The following SLC30A6 variants were observed in gnomAD, a reference collection of about 807,000 sequenced individuals.
SLC30A6 encodes the protein zinc transporter 6.
A neutral mutation model predicts 63.0 loss-of-function variants in SLC30A6; 55 were observed. The observed-to-expected ratio is 0.87, with a 90% CI of 0.70 to 1.09. The LOEUF (loss-of-function observed/expected upper bound fraction) is 1.09. Among genes scored for constraint, SLC30A6 ranks in the 50% least tolerant of loss-of-function variants. SLC30A6 has a pLI of 0.00. For synonymous variants in SLC30A6, 224 were observed against 186.1 expected (o/e 1.20, Z -1.66); for missense variants, 587 against 549.2 (o/e 1.07, Z -0.69).
Position 32,174,053 on chromosome 2 carries a change from A to G in SLC30A6, c.91-10A>G. On this transcript the variant is annotated splice_polypyrimidine_tract_variant and intron_variant, in intron 2 of 13. Coordinates refer to ENST00000282587, the MANE Select transcript of SLC30A6 (RefSeq NM_017964.5). ...TTCTGTACACATAAGAGTGATTTTT[A>G]TTTTCACAGTCCTGGAAGATACTGC... The G allele has an allele frequency of 6.2e-7, 1 of 1,608,888 alleles. No homozygotes were observed. Among genetic ancestry groups the G allele is most frequent in the Non-Finnish European group, 8.5e-7 (1 of 1,177,430 alleles).
At chr2:32,216,044 A>G (rs961867114) in intron 13 of SLC30A6, among the ~76,000 whole-genome samples, 4 of 152,136 alleles carry the variant, frequency 2.6e-5, no homozygotes, top group Non-Finnish European at 5.9e-5. Flanking sequence ...TCTTTTTGGT[A>G]GAAAGATTAT....
rs1686282878 is a variant in SLC30A6, at chr2:32,224,003, T to C, written c.*3290T>C. The stretch of plus-strand genomic sequence containing the variant: ...CTTGACTAAAGAATGCTGATCTTTT[T>C]TGGGAGTCTGATCTCCTTCTAATAT... On this transcript the variant is annotated 3_prime_UTR_variant, in exon 14 of 14. Transcript: ENST00000282587. 6.6e-6 allele frequency: 1 copy of C among 152,420 alleles called. No individual in the cohort carries two copies. Among genetic ancestry groups the C allele is most frequent in the South Asian group, 2.1e-4 (1 of 4,830 alleles). 9.4% of individuals were successfully genotyped at this position (152,420 alleles called of 1,614,324 possible). A position where few individuals can be genotyped will look rare whatever the true frequency, so the allele number is the denominator to read the frequency against.
chr2:32,194,337 T>C (rs1683591643), intron 8 of SLC30A6, among the ~76,000 whole-genome samples: 1 of 152,190 alleles, frequency 6.6e-6, no homozygotes, highest in Non-Finnish European at 1.5e-5. Flanking sequence ...GAATTCTTAG[T>C]TGATATGCTA....
At chr2:32,205,886 T>C (rs981364473) in intron 11 of SLC30A6, among the ~76,000 whole-genome samples, 15 of 151,854 alleles carry the variant, frequency 9.9e-5, no homozygotes, top group African/African-American at 3.6e-4. Context: ...CAGGATGGTC[T>C]CAAATTCCTG....
chr2:32,167,186 C>T (rs2148785439), intron 1 of SLC30A6, among the ~76,000 whole-genome samples: 1 of 152,264 alleles, frequency 6.6e-6, no homozygotes, highest in Admixed American at 6.5e-5. Flanking sequence ...AGCGATTCTC[C>T]TGCCTCACCT....
At chr2:32,166,742 T>C (rs1680695792) in intron 1 of SLC30A6, among the ~76,000 whole-genome samples, 1 of 152,254 alleles carries the variant, frequency 6.6e-6, no homozygotes, top group African/African-American at 2.4e-5. Context: ...TTTGTCACTG[T>C]ACTAAGTTTT....
At position 32,197,612 on chromosome 2, in the gene SLC30A6, A is replaced by T. The variant is rs1360930965; in HGVS notation, c.546-95A>T. The T allele has an allele frequency of 1.9e-6, 3 of 1,544,812 alleles. No individual in the cohort carries two copies. In the East Asian group the frequency reaches 6.7e-5, roughly 35 times the overall value. The stretch of plus-strand genomic sequence containing the variant: ...CTTTGCTTTCTTTAAGAAGTACACT[A>T]TGTGGTACCAAAATACAAGTTATCT... On this transcript the variant is annotated intron_variant, in intron 9 of 13. Coordinates refer to ENST00000282587, the MANE Select transcript of SLC30A6 (RefSeq NM_017964.5).
intron 5 of SLC30A6, among the ~76,000 whole-genome samples, chr2:32,189,653 T>C (rs995618452): frequency 7.6e-6 from 1 of 132,224 alleles, no homozygotes; most frequent in African/African-American, 2.9e-5. Flanking sequence ...CTGTAGCCCA[T>C]GTTGGAGTAC....
intron 13 of SLC30A6, among the ~76,000 whole-genome samples, chr2:32,217,532 C>T (rs1269968189): frequency 2.0e-5 from 3 of 152,100 alleles, no homozygotes; most frequent in Non-Finnish European, 2.9e-5. Flanking sequence ...CTTAGAATTT[C>T]TTTGGCTATT....
intron 5 of SLC30A6, among the ~76,000 whole-genome samples, chr2:32,188,619 G>A (rs530700246): frequency 2.2e-4 from 34 of 152,246 alleles, no homozygotes; most frequent in African/African-American, 7.7e-4. Flanking sequence ...ACTTGAGACC[G>A]GGAGGCGGAG....
intron 2 of SLC30A6, among the ~76,000 whole-genome samples, chr2:32,172,242 A>G (rs1438934164): frequency 6.6e-6 from 1 of 152,222 alleles, no homozygotes; most frequent in Non-Finnish European, 1.5e-5. Flanking sequence ...GCCAGCTTCA[A>G]TGAAACAATA....
In SLC30A6 at chr2:32,221,745, C is replaced by T. The variant is rs1686156291; in HGVS notation, c.*1032C>T. On this transcript the variant is annotated 3_prime_UTR_variant, in exon 14 of 14. Coordinates refer to ENST00000282587, the MANE Select transcript of SLC30A6 (RefSeq NM_017964.5). ...AATTTTAGTACATTTGTAAATAGTC[C>T]ATGGTTCTCAGTGTTTTATTTTGAT... 6.6e-6 allele frequency: 1 copy of T among 151,942 alleles called. No homozygotes were observed. The highest frequency in any genetic ancestry group is 1.5e-5 in the Non-Finnish European group (1 of 67,978). The allele number at this position is 151,942 out of a possible 1,614,324, so 9.4% of individuals were successfully genotyped here. A position where few individuals can be genotyped will look rare whatever the true frequency, so the allele number is the denominator to read the frequency against.
At chr2:32,202,553 A>C (rs923907010) in intron 10 of SLC30A6, 2 of 352,762 alleles carry the variant, frequency 5.7e-6, no homozygotes, top group Admixed American at 8.1e-5. Flanking sequence ...GGATGGTCTC[A>C]ATCTCCTGAC....
rs764733512 is a variant in SLC30A6, at chr2:32,171,341, C to T, written c.58C>T (p.Arg20Trp). ...PQRSFFGKLL[R>W]EFRLVAADRR... ...AAGATCCTTTTTTGGCAAGTTGTTA[C>T]GGGAATTTAGACTTGTAGCAGCTGA... The change falls in exon 2 of 14, where the codon CGG (arginine) becomes TGG (tryptophan). Residue 20 changes from arginine (R) to tryptophan (W), a missense_variant. Transcript: ENST00000282587. The T allele has an allele frequency of 1.8e-5, 29 of 1,613,558 alleles. No homozygotes were observed. The highest frequency in any genetic ancestry group is 2.7e-5 in the African/African-American group (2 of 74,868).
chr2:32,182,281 T>G (rs1682397330), intron 4 of SLC30A6, among the ~76,000 whole-genome samples: 1 of 152,194 alleles, frequency 6.6e-6, no homozygotes, highest in Non-Finnish European at 1.5e-5. Context: ...GCTGCCTTTA[T>G]CCGATGCAAT....
Position 32,223,724 on chromosome 2 carries a change from A to G in SLC30A6, c.*3011A>G, listed in dbSNP as rs141781870. ...TTGTGTTTTTTTCAGGCTTGCCTCT[A>G]CTTAAATATATTTAGATGAGAGAGT... On this transcript the variant is annotated 3_prime_UTR_variant, in exon 14 of 14. Coordinates refer to ENST00000282587, the MANE Select transcript of SLC30A6 (RefSeq NM_017964.5). 2.6e-5 allele frequency: 4 copies of G among 152,298 alleles called. No homozygotes were observed. The highest frequency in any genetic ancestry group is 7.2e-5 in the African/African-American group (3 of 41,576). 9.4% of individuals were successfully genotyped at this position (152,298 alleles called of 1,614,324 possible).
intron 8 of SLC30A6, among the ~76,000 whole-genome samples, chr2:32,196,187 C>A (rs573947770): frequency 1.3e-5 from 2 of 151,952 alleles, no homozygotes; most frequent in Non-Finnish European, 2.9e-5. Context: ...TGGTGGCAGG[C>A]GCCTGTGATC....
chr2:32,215,881 T>C (rs1685663024), intron 13 of SLC30A6, among the ~76,000 whole-genome samples: 2 of 151,458 alleles, frequency 1.3e-5, no homozygotes, highest in Non-Finnish European at 2.9e-5. Flanking sequence ...TTTATAACGA[T>C]AGAGTCTTGC....
chr2:32,220,635 T>C lies in SLC30A6; in HGVS notation c.1308T>C (p.Thr436=), dbSNP rs1686086886. ...TTGGAGTTCCAGGAATTGGAGCAAC[T>C]CAAGGATTGAGGACTGGTTTTACAA... ...QGLGVPGIGA[T]QGLRTGFTNI... Residue 436 remains threonine, a synonymous_variant, in exon 14 of 14, where the codon ACT becomes ACC. Coordinates refer to ENST00000282587, the MANE Select transcript of SLC30A6 (RefSeq NM_017964.5). 6.2e-7 allele frequency: 1 copy of C among 1,614,074 alleles called. No individual in the cohort carries two copies. The highest frequency in any genetic ancestry group is 1.7e-5 in the Admixed American group (1 of 59,998).
Sources: allele counts gnomAD v4.1 joint callset (sites outside exome capture counted in the v4.1 genomes callset), GRCh38; gene constraint gnomAD v4.1.1; transcripts MANE v1.5; gene names NCBI Gene and HGNC (gene_info 2026-07-23, HGNC 2026-07-21).